Variants in ELK4 observed in about 807,000 individuals in gnomAD.
ELK4 encodes ETS domain-containing protein Elk-4.
Under a neutral mutation model 29.6 loss-of-function variants are expected in ELK4, and 16 were observed. The observed-to-expected ratio is 0.54, with a 90% CI of 0.37 to 0.82. The LOEUF (loss-of-function observed/expected upper bound fraction) is 0.82. Ranked by LOEUF, ELK4 falls within the 40% of genes least tolerant of loss-of-function variation. The pLI is 0.00. For synonymous variants in ELK4, 213 were observed against 191.1 expected, an observed-to-expected ratio of 1.11 and a Z score of -0.95; for missense variants, 465 against 507.1, an observed-to-expected ratio of 0.92 and a Z score of 0.80.
chr1:205,631,481 G>A (rs1483528355), intron 1 of ELK4, 151 bp downstream of exon 1: 2 of 150,336 alleles, frequency 1.3e-5, no homozygotes, highest in Non-Finnish European at 3.0e-5. Flanking sequence ...CGGCGGGCCG[G>A]GGGCGGACCC....
chr1:205,629,977 G>A (rs1490568833), intron 1 of ELK4, among the ~76,000 whole-genome samples: 1 of 151,922 alleles, frequency 6.6e-6, no homozygotes, highest in Non-Finnish European at 1.5e-5. Flanking sequence ...GGAGGTTGCA[G>A]TGAGCAGACA....
Position 205,614,973 on chromosome 1 carries a change from T to C in ELK4, c.*1573A>G, listed in dbSNP as rs1457191079. 1.9e-5 allele frequency: 4 copies of C among 212,624 alleles called. No homozygotes were observed. The highest frequency in any genetic ancestry group is 1.4e-3 in the Middle Eastern group (1 of 706). 13.2% of individuals were successfully genotyped at this position (212,624 alleles called of 1,614,324 possible). A position where few individuals can be genotyped will look rare whatever the true frequency, so the allele number is the denominator to read the frequency against. On this transcript the variant is annotated 3_prime_UTR_variant, in exon 5 of 5. Coordinates refer to ENST00000357992, the MANE Select transcript of ELK4 (RefSeq NM_001973.4). The stretch of plus-strand genomic sequence containing the variant: ...GGAACCAACAAATCTGTACCTGGCA[T>C]TGATTACCATATAGTAATATTTTAA...
intron 1 of ELK4, 110 bp from the exon 2 acceptor site, chr1:205,624,001 T>G: frequency 1.0e-6 from 1 of 997,456 alleles, no homozygotes; most frequent in Non-Finnish European, 1.5e-6. Flanking sequence ...CATCCCCACA[T>G]TTCTATAAGG....
At position 205,612,334 on chromosome 1, in the gene ELK4, G is replaced by C. The variant is rs1345619678; in HGVS notation, c.*4212C>G. On this transcript the variant is annotated 3_prime_UTR_variant, in exon 5 of 5. Transcript: ENST00000357992. ...TCTTTAGGAAAAGCGTGTGCTTCTGGAGGGTGCACAAGACAACCAACTGGG... is the reference window on the plus strand; with the variant it reads ...TCTTTAGGAAAAGCGTGTGCTTCTGCAGGGTGCACAAGACAACCAACTGGG... 4.7e-6 allele frequency: 1 copy of C among 213,802 alleles called. No individual in the cohort carries two copies. Among genetic ancestry groups the C allele is most frequent in the Admixed American group, 5.9e-5 (1 of 17,022 alleles). The allele number at this position is 213,802 out of a possible 1,614,324, so 13.2% of individuals were successfully genotyped here. A position where few individuals can be genotyped will look rare whatever the true frequency, so the allele number is the denominator to read the frequency against.
chr1:205,627,363 G>T (rs1670486042), intron 1 of ELK4, among the ~76,000 whole-genome samples: 2 of 152,018 alleles, frequency 1.3e-5, no homozygotes, highest in Non-Finnish European at 2.9e-5. Context: ...CAAAAAATTA[G>T]CTGGGCGTGG....
intron 1 of ELK4, chr1:205,625,664 C>A: frequency 1.1e-5 from 9 of 834,408 alleles, no homozygotes; most frequent in Non-Finnish European, 1.8e-5. Context: ...CTGGTCAGTT[C>A]TGCTGCTGCT....
Position 205,631,612 on chromosome 1 carries a change from G to A in ELK4, c.-10+20C>T. 3.8e-6 allele frequency: 1 copy of A among 265,234 alleles called. No homozygotes were observed. Among genetic ancestry groups the A allele is most frequent in the Admixed American group, 4.3e-5 (1 of 23,492 alleles). 16.4% of individuals were successfully genotyped at this position (265,234 alleles called of 1,614,324 possible). A position where few individuals can be genotyped will look rare whatever the true frequency, so the allele number is the denominator to read the frequency against. ...TGTGGCCGCGAGATCCCGAGGGGGC[G>A]CGCGGGGCTGACCGCTCACCGACGC... On this transcript the variant is annotated intron_variant, in intron 1 of 4. Transcript: ENST00000357992.
At chr1:205,618,903 T>C in intron 4 of ELK4, 54 bp downstream of exon 4, 1 of 1,387,754 alleles carries the variant, frequency 7.2e-7, no homozygotes, top group Non-Finnish European at 1.0e-6. Context: ...CCTTTTTGCC[T>C]CTTTCTTCAT....
chr1:205,619,450 G>T (rs1670289726), intron 3 of ELK4: 1 of 1,062,546 alleles, frequency 9.4e-7, no homozygotes, highest in Admixed American at 5.3e-5. Flanking sequence ...AGGAATAATG[G>T]GTAACCAAGA....
Position 205,612,942 on chromosome 1 carries a change from C to CAA in ELK4, c.*3602_*3603dup, listed in dbSNP as rs148637054. 3,378 of 204,820 alleles carry CAA rather than the reference C, an allele frequency of 0.016. 119 individuals are homozygous for CAA. The highest frequency in any genetic ancestry group is 0.07 in the African/African-American group (3,072 of 43,668). The allele number at this position is 204,820 out of a possible 1,614,324, so 12.7% of individuals were successfully genotyped here. On this transcript the variant is annotated 3_prime_UTR_variant, in exon 5 of 5. Transcript: ENST00000357992. ...CTGTCCCTATCAAAATTTCAACTGT[C>CAA]AAAATGTGGGAAAAAATTAAACTCA...
chr1:205,625,491 C>T (rs1339279360), intron 1 of ELK4: 3 of 703,072 alleles, frequency 4.3e-6, no homozygotes, highest in South Asian at 2.7e-5. Flanking sequence ...GGATGAAATT[C>T]GTGTACAAAG....
Position 205,631,766 on chromosome 1 carries a change from AGGC to A in ELK4, c.-147_-145del, listed in dbSNP as rs1163897124. On this transcript the variant is annotated 5_prime_UTR_variant, in exon 1 of 5. Transcript: ENST00000357992. ...GCGACCCCCGCGGCGGAGCCGTAGA[AGGC>A]GGCGGCGGCCAAGCCGAGCCCGCCG... The A allele has an allele frequency of 2.3e-5, 6 of 256,608 alleles. No individual in the cohort carries two copies. The highest frequency in any genetic ancestry group is 1.1e-4 in the South Asian group (3 of 28,070). 15.9% of individuals were successfully genotyped at this position (256,608 alleles called of 1,614,324 possible).
chr1:205,613,862 G>A lies in ELK4; in HGVS notation c.*2684C>T, dbSNP rs1023840656. 1.9e-5 allele frequency: 4 copies of A among 215,358 alleles called. No homozygotes were observed. Among genetic ancestry groups the A allele is most frequent in the Non-Finnish European group, 1.9e-5 (2 of 106,766 alleles). 13.3% of individuals were successfully genotyped at this position (215,358 alleles called of 1,614,324 possible). A position where few individuals can be genotyped will look rare whatever the true frequency, so the allele number is the denominator to read the frequency against. ...TGGCAAAGTGACTAGGGATGGATAC[G>A]AGCTACAGCTACCAATTACAAGTCT... On this transcript the variant is annotated 3_prime_UTR_variant, in exon 5 of 5. Transcript: ENST00000357992.
chr1:205,623,686 T>C lies in ELK4; in HGVS notation c.197A>G (p.Tyr66Cys). ...CAGGATGTGTACTACCTTTACATAA[T>C]AGTATCTGAGGGCTCGGCTGAGTTT... ...YDKLSRALRYYYVKNIIKKVN... is the reference protein window; with the variant it reads ...YDKLSRALRYCYVKNIIKKVN... Residue 66 changes from tyrosine (Y) to cysteine (C), a missense_variant, in exon 2 of 5, where the codon TAT becomes TGT. Around this residue, in one of 2 missense-constraint regions of ELK4, gnomAD observed 385 missense variants for 387.5 expected, o/e 0.99. Transcript: ENST00000357992. 1 of 1,614,082 alleles carries C rather than the reference T, an allele frequency of 6.2e-7. No homozygotes were observed. Among genetic ancestry groups the C allele is most frequent in the Non-Finnish European group, 8.5e-7 (1 of 1,180,008 alleles).
At position 205,625,521 on chromosome 1, in the gene ELK4, A is replaced by G; in HGVS notation, c.-9-1630T>C. 20 of 757,016 alleles carry G rather than the reference A, an allele frequency of 2.6e-5. No homozygotes were observed. The South Asian group carries it at 2.7e-4, about 10-fold the overall frequency. 46.9% of individuals were successfully genotyped at this position (757,016 alleles called of 1,614,324 possible). On this transcript the variant is annotated intron_variant, in intron 1 of 4. Transcript: ENST00000357992. ...ACAAAGAAGAGCATCCGTTCAAGAA[A>G]CGGGCGGCTCCGAGAGCAAGAAGAC...
chr1:205,611,027 T>G lies in ELK4; in HGVS notation c.*5519A>C, dbSNP rs1670142804. 4.5e-6 allele frequency: 1 copy of G among 221,088 alleles called. No homozygotes were observed. The highest frequency in any genetic ancestry group is 6.6e-5 in the East Asian group (1 of 15,080). 13.7% of individuals were successfully genotyped at this position (221,088 alleles called of 1,614,324 possible). A position where few individuals can be genotyped will look rare whatever the true frequency, so the allele number is the denominator to read the frequency against. On this transcript the variant is annotated 3_prime_UTR_variant, in exon 5 of 5. Coordinates refer to ENST00000357992, the MANE Select transcript of ELK4 (RefSeq NM_001973.4). ...TCTTGTTAAAAGTTTCCTTTAAAAT[T>G]ATGTCAACAACAGCATGAATTTCCT...
In ELK4 at chr1:205,620,090, G is replaced by T. The variant is rs1375684778; in HGVS notation, c.956C>A (p.Ser319Tyr). 6.2e-7 allele frequency: 1 copy of T among 1,614,226 alleles called. No individual in the cohort carries two copies. Among genetic ancestry groups the T allele is most frequent in the Admixed American group, 1.7e-5 (1 of 60,028 alleles). Residue 319 changes from serine (S) to tyrosine (Y), a missense_variant, in exon 3 of 5, where the codon TCC (serine) becomes TAC (tyrosine). This residue lies in a region of ELK4 where 385 missense variants were observed against 387.5 expected (regional missense o/e 0.99). Transcript: ENST00000357992. ...EKDKVNNSSR[S>Y]KKPKGLELAP... ...CAGTTCTAACCCTTTGGGTTTCTTG[G>T]ATCTTGATGAATTATTTACTTTGTC...
chr1:205,621,194 A>T (rs1235073293), intron 2 of ELK4, among the ~76,000 whole-genome samples: 15 of 49,860 alleles, frequency 3.0e-4, no homozygotes, highest in African/African-American at 7.2e-4. Flanking sequence ...AGTCTGTCTT[A>T]AAAAAAAAAA....
rs566010660 is a variant in ELK4, at chr1:205,613,561, A to G, written c.*2985T>C. The G allele has an allele frequency of 1.7e-5, 3 of 181,184 alleles. No individual in the cohort carries two copies. The East Asian group carries it at 2.7e-4, about 16-fold the overall frequency. 11.2% of individuals were successfully genotyped at this position (181,184 alleles called of 1,614,324 possible). ...GTGGTAGCTTGAAATCAGCCACAGGAGGAGTAACTAATTTATATCAAAGAA... is the reference window on the plus strand; with the variant it reads ...GTGGTAGCTTGAAATCAGCCACAGGGGGAGTAACTAATTTATATCAAAGAA... On this transcript the variant is annotated 3_prime_UTR_variant, in exon 5 of 5. Coordinates refer to ENST00000357992, the MANE Select transcript of ELK4 (RefSeq NM_001973.4).
Sources: allele counts gnomAD v4.1 joint callset (sites outside exome capture counted in the v4.1 genomes callset), GRCh38; gene constraint gnomAD v4.1.1; regional missense constraint gnomAD v4.1.1; transcripts MANE v1.5; gene names NCBI Gene and HGNC (gene_info 2026-07-23, HGNC 2026-07-21).